ITGA1: variants seen among roughly 807,000 people sequenced by gnomAD.
ITGA1 encodes the protein integrin subunit alpha 1, also known as integrin alpha-1.
A neutral mutation model predicts 145.9 loss-of-function variants in ITGA1; 85 were observed. The observed-to-expected ratio is 0.58, with a 90% CI of 0.49 to 0.70. ITGA1 has a LOEUF of 0.70. Among genes scored for constraint, ITGA1 ranks in the 30% least tolerant of loss-of-function variants. ITGA1 has a pLI of 0.00. For missense variants in ITGA1, 1,351 were observed against 1,418.7 expected, an observed-to-expected ratio of 0.95 and a Z score of 0.77; for synonymous variants, 520 against 495.3, an observed-to-expected ratio of 1.05 and a Z score of -0.66.
At chr5:52,886,697 C>T (rs1750055144) in intron 7 of ITGA1, among the ~76,000 whole-genome samples, 1 of 152,174 alleles carries the variant, frequency 6.6e-6, no homozygotes, top group Admixed American at 6.5e-5. Flanking sequence ...AGAATACATA[C>T]AAAACAAAAA....
At chr5:52,843,872 A>T (rs1365533135) in intron 1 of ITGA1, among the ~76,000 whole-genome samples, 1 of 152,138 alleles carries the variant, frequency 6.6e-6, no homozygotes, top group Non-Finnish European at 1.5e-5. Flanking sequence ...TTCTTAATAC[A>T]CAAAAAGAGG....
chr5:52,875,408 T>C (rs1289616570), intron 6 of ITGA1, among the ~76,000 whole-genome samples: 1 of 152,186 alleles, frequency 6.6e-6, no homozygotes, highest in Admixed American at 6.5e-5. Context: ...ACAAAATTCA[T>C]AGCCAATTGT....
At chr5:52,891,215 T>A (rs775289868) in intron 8 of ITGA1, among the ~76,000 whole-genome samples, 4 of 151,968 alleles carry the variant, frequency 2.6e-5, no homozygotes, top group Non-Finnish European at 5.9e-5. Context: ...TTCTTCAATA[T>A]ACTATTTCCT....
intron 1 of ITGA1, among the ~76,000 whole-genome samples, chr5:52,789,742 T>C (rs143173902): frequency 1.3e-5 from 2 of 152,342 alleles, no homozygotes; most frequent in African/African-American, 4.8e-5. Context: ...GATTGTATTT[T>C]GTTGTTTTTG....
At position 52,914,611 on chromosome 5, in the gene ITGA1, G is replaced by A. The variant is rs558762601; in HGVS notation, c.1858-853G>A. Among the ~76,000 whole-genome samples the A allele has an allele frequency of 1.5e-3, 226 of 152,066 alleles. 2 individuals are homozygous for A. The highest frequency in any genetic ancestry group is 5.3e-3 in the African/African-American group (220 of 41,438). ...AGATAGCGTCTCAAAAAAAAAAAGG[G>A]GGGGAAATACTTTCAAACGAGCCTC... is the stretch of plus-strand genomic sequence containing the variant. On this transcript the variant is annotated intron_variant, in intron 14 of 28. Transcript: ENST00000282588.
chr5:52,801,590 A>G lies in ITGA1; in HGVS notation c.61+13176A>G, dbSNP rs563541986. 28 of 1,614,124 alleles carry G rather than the reference A, an allele frequency of 1.7e-5. No homozygotes were observed. Among genetic ancestry groups the G allele is most frequent in the African/African-American group, 4.0e-5 (3 of 75,044 alleles). On this transcript the variant is annotated intron_variant, in intron 1 of 28. Coordinates refer to ENST00000282588, the MANE Select transcript of ITGA1 (RefSeq NM_181501.2). ...GGACTCAAGCAGGTGGAGAAGGCCA[A>G]TGAAGCCATGGCAATTGACACATTG... is the stretch of plus-strand genomic sequence containing the variant.
chr5:52,807,376 C>T (rs1032418779), intron 1 of ITGA1, among the ~76,000 whole-genome samples: 1 of 151,672 alleles, frequency 6.6e-6, no homozygotes, highest in Non-Finnish European at 1.5e-5. Flanking sequence ...TTTCAAGAAC[C>T]CAGTCAGAAG....
At chr5:52,803,322 CCG>C (rs1748525617) in intron 1 of ITGA1, 1 of 135,208 alleles carries the variant, frequency 7.4e-6, no homozygotes, top group Non-Finnish European at 1.7e-5. Flanking sequence ...CATTATAATT[CCG>C]TGAGTATCTT....
At chr5:52,849,322 C>T in intron 1 of ITGA1, 43 bp from the exon 2 acceptor site, 1 of 1,544,702 alleles carries the variant, frequency 6.5e-7, no homozygotes, top group Non-Finnish European at 8.8e-7. Flanking sequence ...ATGATGGACT[C>T]TTAGTTAACT....
At chr5:52,857,571 G>C (rs1346227004) in intron 2 of ITGA1, among the ~76,000 whole-genome samples, 1 of 151,518 alleles carries the variant, frequency 6.6e-6, no homozygotes, top group Non-Finnish European at 1.5e-5. Flanking sequence ...TCTCATTCTT[G>C]CCTCCTATTC....
chr5:52,832,777 G>GTGTGTGTGTGTC (rs1554042241), intron 1 of ITGA1, among the ~76,000 whole-genome samples: 26 of 109,688 alleles, frequency 2.4e-4, no homozygotes, highest in South Asian at 1.1e-3. Context: ...GTGTGTGTGT[G>GTGTGTGTGTGTC]TGTGTGTGTG....
At chr5:52,867,475 C>T (rs1446772500) in intron 6 of ITGA1, among the ~76,000 whole-genome samples, 1 of 152,118 alleles carries the variant, frequency 6.6e-6, no homozygotes, top group Non-Finnish European at 1.5e-5. Context: ...AGTGAAATTA[C>T]TAGTGGATGG....
Position 52,953,568 on chromosome 5 carries a change from G to T in ITGA1, c.*1117G>T, listed in dbSNP as rs942102084. 2.6e-5 allele frequency: 4 copies of T among 152,012 alleles called. No individual in the cohort carries two copies. Among genetic ancestry groups the T allele is most frequent in the Non-Finnish European group, 5.9e-5 (4 of 68,012 alleles). 9.4% of individuals were successfully genotyped at this position (152,012 alleles called of 1,614,324 possible). The stretch of plus-strand genomic sequence containing the variant: ...TTACCAAGAAGTCACTGCTTTTTAG[G>T]TGTGTTGCATCAATATTTAAATAAA... On this transcript the variant is annotated 3_prime_UTR_variant, in exon 29 of 29. Coordinates refer to ENST00000282588, the MANE Select transcript of ITGA1 (RefSeq NM_181501.2).
Position 52,877,816 on chromosome 5 carries a change from T to A in ITGA1, c.625-4057T>A, listed in dbSNP as rs115032174. ...AGCAAAGCCAAGAACCCTTGTGGGC[T>A]GAGACCCATTTTGGGGCTCACCTGT... On this transcript the variant is annotated intron_variant, in intron 6 of 28. Transcript: ENST00000282588. Among the ~76,000 whole-genome samples, 815 of 152,286 alleles carry A rather than the reference T, an allele frequency of 5.4e-3. 5 individuals carry two copies. Among genetic ancestry groups the A allele is most frequent in the Middle Eastern group, 0.017 (5 of 294 alleles).
At chr5:52,911,500 TAG>T in intron 14 of ITGA1, among the ~76,000 whole-genome samples, 1 of 126,066 alleles carries the variant, frequency 7.9e-6, no homozygotes, top group Admixed American at 9.4e-5. Flanking sequence ...GTATATATAG[TAG>T]ATACACTATA....
At position 52,861,574 on chromosome 5, in the gene ITGA1, A is replaced by C. The variant is rs1316259564; in HGVS notation, c.295+15A>C. 1.3e-6 allele frequency: 2 copies of C among 1,561,546 alleles called. No homozygotes were observed. The highest frequency in any genetic ancestry group is 1.7e-5 in the Admixed American group (1 of 59,640). On this transcript the variant is annotated intron_variant, in intron 3 of 28. Transcript: ENST00000282588. ...GGATCTACCAGGTATGTAAAATTAAAAAAATCTGGTTTTAGGCCAGGTGCG... is the reference window on the plus strand; with the variant it reads ...GGATCTACCAGGTATGTAAAATTAACAAAATCTGGTTTTAGGCCAGGTGCG...
intron 6 of ITGA1, among the ~76,000 whole-genome samples, chr5:52,878,961 CA>C (rs33911483): frequency 0.024 from 3,071 of 130,608 alleles, 30 homozygotes; most frequent in East Asian, 0.04. Context: ...GTCTAAGTAC[CA>C]AAAAAAAAAA....
intron 17 of ITGA1, 85 bp downstream of exon 17, chr5:52,920,553 C>T: frequency 8.8e-7 from 1 of 1,134,462 alleles, no homozygotes; most frequent in Non-Finnish European, 1.2e-6. Context: ...CAAATTCTTA[C>T]TGTTTTATTT....
intron 16 of ITGA1, 64 bp downstream of exon 16, chr5:52,918,962 G>A (rs547885507): frequency 4.6e-5 from 62 of 1,334,730 alleles, no homozygotes; most frequent in Middle Eastern, 2.7e-4. Flanking sequence ...CTAGCATGAT[G>A]AAGTCCAGTA....
Sources: gnomAD v4.1 joint callset for allele counts (sites outside exome capture counted in the v4.1 genomes callset) on GRCh38, gnomAD v4.1.1 for gene constraint, MANE v1.5 for transcripts, NCBI Gene and HGNC (gene_info 2026-07-23, HGNC 2026-07-21) for gene names.